Variants in PTPRD observed in about 807,000 individuals in gnomAD.
The protein encoded by PTPRD is receptor-type tyrosine-protein phosphatase delta.
PTPRD carries 34 observed loss-of-function variants against 214.5 expected under a neutral mutation model. That is an observed-to-expected ratio of 0.16 (90% CI 0.12 to 0.21). PTPRD has a LOEUF of 0.21. Among genes scored for constraint, PTPRD ranks in the 10% least tolerant of loss-of-function variants. The pLI is 1.00. For synonymous variants in PTPRD, 1,128 were observed against 845.7 expected, an observed-to-expected ratio of 1.33 and a Z score of -5.79; for missense variants, 2,545 against 2,398.7, an observed-to-expected ratio of 1.06 and a Z score of -1.27.
intron 11 of PTPRD, among the ~76,000 whole-genome samples, chr9:8,828,109 A>G (rs910091467): frequency 6.6e-6 from 1 of 152,190 alleles, no homozygotes; most frequent in African/African-American, 2.4e-5. Context: ...GCTGGATGCA[A>G]TGATTATGAA....
At chr9:8,674,950 T>A (rs986936574) in intron 12 of PTPRD, among the ~76,000 whole-genome samples, 2 of 152,208 alleles carry the variant, frequency 1.3e-5, no homozygotes, top group African/African-American at 2.4e-5. Context: ...TAGCATTTAA[T>A]CTCCAATGAA....
chr9:9,689,826 T>A (rs1186391329), intron 7 of PTPRD, among the ~76,000 whole-genome samples: 2 of 151,962 alleles, frequency 1.3e-5, no homozygotes, highest in African/African-American at 2.4e-5. Context: ...TTTCATTTTT[T>A]AATGGCTGAA....
At chr9:9,221,822 T>C (rs2099956262) in intron 9 of PTPRD, among the ~76,000 whole-genome samples, 2 of 151,996 alleles carry the variant, frequency 1.3e-5, no homozygotes, top group South Asian at 4.1e-4. Context: ...AAAGGAATGA[T>C]ACAAGATTAC....
intron 11 of PTPRD, among the ~76,000 whole-genome samples, chr9:8,854,440 G>C (rs762122021): frequency 2.0e-5 from 3 of 152,138 alleles, no homozygotes; most frequent in Non-Finnish European, 4.4e-5. Context: ...ATTATGCATA[G>C]AATCCTTTTA....
In PTPRD at chr9:8,740,587, C is replaced by T. The variant is rs188481059; in HGVS notation, c.-103-6641G>A. On this transcript the variant is annotated intron_variant, in intron 11 of 45. Coordinates refer to ENST00000381196, the MANE Select transcript of PTPRD (RefSeq NM_002839.4). The stretch of plus-strand genomic sequence containing the variant: ...TAAAACTATGAAAAACAACCACAAA[C>T]CAAGCACCTCTGAATAAAATAGTCA... Among the ~76,000 whole-genome samples the T allele has an allele frequency of 5.3e-3, 802 of 152,212 alleles. 2 individuals carry two copies. The highest frequency in any genetic ancestry group is 9.3e-3 in the Non-Finnish European group (632 of 68,010).
intron 12 of PTPRD, among the ~76,000 whole-genome samples, chr9:8,678,889 A>G (rs1285378375): frequency 6.6e-6 from 1 of 152,240 alleles, no homozygotes; most frequent in Admixed American, 6.5e-5. Flanking sequence ...GGTGATTTAA[A>G]CAACCTAAAA....
intron 7 of PTPRD, among the ~76,000 whole-genome samples, chr9:9,632,011 T>C (rs1227963652): frequency 1.3e-5 from 2 of 152,180 alleles, no homozygotes; most frequent in Non-Finnish European, 2.9e-5. Context: ...ATTTCTCAAA[T>C]CATGGCAAAT....
chr9:9,560,460 C>T (rs1460102555), intron 8 of PTPRD, among the ~76,000 whole-genome samples: 1 of 152,238 alleles, frequency 6.6e-6, no homozygotes, highest in East Asian at 1.9e-4. Flanking sequence ...TTGTGCACCT[C>T]AGGTGCTTCA....
chr9:8,654,058 T>C (rs569034943), intron 12 of PTPRD, among the ~76,000 whole-genome samples: 1 of 152,172 alleles, frequency 6.6e-6, no homozygotes, highest in Non-Finnish European at 1.5e-5. Flanking sequence ...TTGCAAGAGA[T>C]TGAGCAACAT....
chr9:10,014,851 T>C (rs2096669892), intron 4 of PTPRD, among the ~76,000 whole-genome samples: 1 of 152,118 alleles, frequency 6.6e-6, no homozygotes, highest in South Asian at 2.1e-4. Flanking sequence ...GTGTTTTTTC[T>C]TCTATCCTTA....
chr9:8,845,491 A>C (rs1218738972), intron 11 of PTPRD, among the ~76,000 whole-genome samples: 1 of 152,256 alleles, frequency 6.6e-6, no homozygotes, highest in Non-Finnish European at 1.5e-5. Flanking sequence ...AATAGGAAAT[A>C]CAAGCCATCA....
chr9:8,467,589 G>A (rs1044442228), intron 31 of PTPRD, among the ~76,000 whole-genome samples: 4 of 151,684 alleles, frequency 2.6e-5, no homozygotes. Flanking sequence ...GAAATTCCAT[G>A]TTAGAGATTT....
intron 8 of PTPRD, among the ~76,000 whole-genome samples, chr9:9,570,359 G>A (rs532199241): frequency 1.1e-4 from 16 of 151,432 alleles, no homozygotes; most frequent in African/African-American, 3.9e-4. Context: ...CTTGTATGTC[G>A]TTTAACTTCA....
intron 9 of PTPRD, among the ~76,000 whole-genome samples, chr9:9,253,385 A>C (rs576313239): frequency 3.0e-4 from 45 of 152,202 alleles, no homozygotes; most frequent in African/African-American, 1.0e-3. Flanking sequence ...TTGGAAAATA[A>C]TGTTATTCTG....
chr9:10,207,041 G>C (rs1303659956), intron 3 of PTPRD, among the ~76,000 whole-genome samples: 1 of 152,064 alleles, frequency 6.6e-6, no homozygotes, highest in Non-Finnish European at 1.5e-5. Flanking sequence ...TATATGAGCT[G>C]ATGAGTTTTA....
At chr9:10,533,125 C>T (rs1161678323) in intron 2 of PTPRD, among the ~76,000 whole-genome samples, 3 of 152,124 alleles carry the variant, frequency 2.0e-5, no homozygotes, top group African/African-American at 2.4e-5. Context: ...TGCTTCCTCT[C>T]TCCTACATGA....
rs191069343 is a variant in PTPRD at position 9,897,054 on chromosome 9, T to A, written c.-368+41453A>T. On this transcript the variant is annotated intron_variant, in intron 5 of 45. Transcript: ENST00000381196. ...GTTTCCCTTTGGGATTTGCCATATA[T>A]CACAAGAATTTTGACATTCCTCCTT... Among the ~76,000 whole-genome samples, 258 of 152,016 alleles carry A rather than the reference T, an allele frequency of 1.7e-3. 3 individuals are homozygous for A. The South Asian group carries it at 0.026, about 15-fold the overall frequency.
chr9:10,465,479 T>C (rs920387077), intron 2 of PTPRD, among the ~76,000 whole-genome samples: 4 of 152,120 alleles, frequency 2.6e-5, no homozygotes, highest in African/African-American at 9.7e-5. Flanking sequence ...AAGAGTGTCG[T>C]CATGTGCCAC....
chr9:10,572,809 G>A (rs555694533), intron 2 of PTPRD, among the ~76,000 whole-genome samples: 1 of 152,196 alleles, frequency 6.6e-6, no homozygotes, highest in South Asian at 2.1e-4. Flanking sequence ...GAAAACTGAT[G>A]TCTCTCTAGA....
Sources: allele counts gnomAD v4.1 joint callset (sites outside exome capture counted in the v4.1 genomes callset), GRCh38; gene constraint gnomAD v4.1.1; transcripts MANE v1.5; gene names NCBI Gene and HGNC (gene_info 2026-07-23, HGNC 2026-07-21).